Variants in NNT observed in about 807,000 individuals in gnomAD.
NNT encodes nicotinamide nucleotide transhydrogenase, also known as NAD(P) transhydrogenase, mitochondrial.
A neutral mutation model predicts 104.8 loss-of-function variants in NNT; 50 were observed. That is an observed-to-expected ratio of 0.48 (90% CI 0.38 to 0.60). The LOEUF (loss-of-function observed/expected upper bound fraction) is 0.60. NNT is among the 20% of genes least tolerant of loss of function. The pLI, the probability that NNT is intolerant of heterozygous loss-of-function variation, is 0.00. For missense variants in NNT, 1,131 were observed against 1,330.7 expected, an observed-to-expected ratio of 0.85 and a Z score of 2.33; for synonymous variants, 461 against 490.4, an observed-to-expected ratio of 0.94 and a Z score of 0.79.
chr5:43,669,070 G>A (rs891400068), intron 17 of NNT, among the ~76,000 whole-genome samples: 1 of 152,092 alleles, frequency 6.6e-6, no homozygotes, highest in African/African-American at 2.4e-5. Context: ...GTCATGATTT[G>A]GCTCTCTGTT....
chr5:43,659,285 C>A lies in NNT; in HGVS notation c.2569C>A (p.Leu857Met). ...AGAGGGCTTCCTGCTCAACAACAATCTGCTGACCATCGTGGGTGCACTCAT... is the reference window on the plus strand; with the variant it reads ...AGAGGGCTTCCTGCTCAACAACAATATGCTGACCATCGTGGGTGCACTCAT... ...CAEGFLLNNN[L>M]LTIVGALIGS... The change falls in exon 17 of 22, where the codon CTG (leucine) becomes ATG (methionine). Residue 857 changes from leucine to methionine, a missense_variant. Transcript: ENST00000344920. 6.2e-7 allele frequency: 1 copy of A among 1,614,064 alleles called. No homozygotes were observed. Among genetic ancestry groups the A allele is most frequent in the Non-Finnish European group, 8.5e-7 (1 of 1,180,016 alleles).
At chr5:43,681,217 G>A (rs1162188516) in intron 19 of NNT, among the ~76,000 whole-genome samples, 1 of 139,410 alleles carries the variant, frequency 7.2e-6, no homozygotes, top group Admixed American at 7.6e-5. Context: ...CCAAGATCGT[G>A]CCATTGCACT....
rs879671987 is a variant in NNT at position 43,690,231 on chromosome 5, A to AT, written c.2877-9875dup. On this transcript the variant is annotated intron_variant, in intron 19 of 21. Coordinates refer to ENST00000344920, the MANE Select transcript of NNT (RefSeq NM_182977.3). ...GGAATTAAGCCTTCTCGATATCTTGATTTTTTTTTTTTTAGTCCAGGGAAA... is the reference window on the plus strand; with the variant it reads ...GGAATTAAGCCTTCTCGATATCTTGATTTTTTTTTTTTTTAGTCCAGGGAAA... Among the ~76,000 whole-genome samples the AT allele has an allele frequency of 7.7e-3, 1,119 of 146,200 alleles. 6 individuals carry two copies. The highest frequency in any genetic ancestry group is 0.02 in the African/African-American group (818 of 40,096).
intron 16 of NNT, 21 bp from the exon 17 acceptor site, chr5:43,659,150 C>A: frequency 6.6e-7 from 1 of 1,524,914 alleles, no homozygotes; most frequent in Admixed American, 2.1e-5. Flanking sequence ...ATTTTGAGTT[C>A]TGATTTGATT....
chr5:43,621,299 G>C (rs1750077710), intron 5 of NNT, among the ~76,000 whole-genome samples: 1 of 152,206 alleles, frequency 6.6e-6, no homozygotes, highest in African/African-American at 2.4e-5. Context: ...GTGTTAGCTA[G>C]TGTATTTTAT....
intron 7 of NNT, among the ~76,000 whole-genome samples, chr5:43,643,859 T>A (rs1751363104): frequency 1.3e-5 from 2 of 152,234 alleles, no homozygotes; most frequent in Non-Finnish European, 2.9e-5. Flanking sequence ...AGGCATTTTT[T>A]AAAAAACAGT....
chr5:43,651,689 CA>C, intron 12 of NNT, 49 bp from the exon 13 acceptor site: 1 of 1,589,672 alleles, frequency 6.3e-7, no homozygotes, highest in Non-Finnish European at 8.6e-7. Context: ...TCATGTTGCT[CA>C]GTGAGCTCAA....
chr5:43,606,312 C>T (rs187680541), intron 1 of NNT, among the ~76,000 whole-genome samples: 115 of 152,320 alleles, frequency 7.5e-4, no homozygotes, highest in African/African-American at 2.3e-3. Context: ...AAAAAAATCT[C>T]ACTCAAGACA....
rs558560988 is a variant in NNT, at chr5:43,673,252, C to A, written c.2635-2259C>A. On this transcript the variant is annotated intron_variant, in intron 17 of 21. Transcript: ENST00000344920. ...CTTCCCAGGTGAGGCAATGCCTCGC[C>A]CTGCTTTGGCTCACGCTTGGTGGAC... Among the ~76,000 whole-genome samples the A allele has an allele frequency of 2.0e-5, 3 of 152,314 alleles. No individual in the cohort carries two copies. In the East Asian group the frequency reaches 5.8e-4, roughly 29 times the overall value.
intron 19 of NNT, among the ~76,000 whole-genome samples, chr5:43,696,050 A>C (rs1478777931): frequency 6.6e-6 from 1 of 152,054 alleles, no homozygotes. Flanking sequence ...TTCAAAACCA[A>C]TCATGCCTTC....
chr5:43,651,548 A>C (rs1198036799), intron 12 of NNT, among the ~76,000 whole-genome samples, 191 bp from the exon 13 acceptor site: 1 of 152,038 alleles, frequency 6.6e-6, no homozygotes, highest in Non-Finnish European at 1.5e-5. Context: ...ACTGCACCCT[A>C]GCCTGGTCAA....
chr5:43,675,961 G>A (rs1397098992), intron 18 of NNT, among the ~76,000 whole-genome samples: 3 of 151,872 alleles, frequency 2.0e-5, no homozygotes, highest in African/African-American at 4.8e-5. Flanking sequence ...TCTTCTCATT[G>A]GTAATTTTTG....
chr5:43,701,180 G>T (rs887656180), intron 20 of NNT, among the ~76,000 whole-genome samples: 2 of 152,100 alleles, frequency 1.3e-5, no homozygotes, highest in South Asian at 2.1e-4. Flanking sequence ...GATGCTGAGG[G>T]TTGGAGGTAG....
chr5:43,613,052 C>T lies in NNT; in HGVS notation c.296C>T (p.Ser99Phe). The T allele has an allele frequency of 6.2e-7, 1 of 1,614,098 alleles. No individual in the cohort carries two copies. The highest frequency in any genetic ancestry group is 2.2e-5 in the East Asian group (1 of 44,862). ...VVVESGAGEA[S>F]KFSDDHYRVA... Reference sequence around the variant, plus strand: ...GTGGAATCGGGTGCGGGCGAAGCTTCCAAGTTCTCAGATGATCACTATAGA... The same window carrying T: ...GTGGAATCGGGTGCGGGCGAAGCTTTCAAGTTCTCAGATGATCACTATAGA... Residue 99 changes from serine (S) to phenylalanine (F), a missense_variant, in exon 3 of 22, where the codon TCC becomes TTC. By Grantham distance (155) the Ser-to-Phe change is radical. Coordinates refer to ENST00000344920, the MANE Select transcript of NNT (RefSeq NM_182977.3).
At position 43,669,324 on chromosome 5, in the gene NNT, A is replaced by C. The variant is rs1373273878; in HGVS notation, c.2635-6187A>C. Among the ~76,000 whole-genome samples the C allele has an allele frequency of 4.6e-5, 7 of 152,240 alleles. No homozygotes were observed. In the East Asian group the frequency reaches 5.8e-4, roughly 13 times the overall value. On this transcript the variant is annotated intron_variant, in intron 17 of 21. Transcript: ENST00000344920. Reference sequence around the variant, plus strand: ...CAGAACTTCCAACACTATGTTGAATAGGAGTGGTGAGAGAGGGCATCCCTG... The same window carrying C: ...CAGAACTTCCAACACTATGTTGAATCGGAGTGGTGAGAGAGGGCATCCCTG...
chr5:43,679,282 TGTAATGTATTC>T (rs1741581170), intron 19 of NNT, among the ~76,000 whole-genome samples: 1 of 152,214 alleles, frequency 6.6e-6, no homozygotes, highest in Admixed American at 6.5e-5. Flanking sequence ...TGTGAAAAAG[TGTAATGTATTC>T]GTAATGCCCT....
rs139893206 is a variant in NNT, at chr5:43,675,628, A to G, written c.2752A>G (p.Ile918Val). The change falls in exon 18 of 22, where the codon ATT becomes GTT. Residue 918 changes from isoleucine (I) to valine (V), a missense_variant. Ile to Val is a conservative substitution (Grantham distance 29). Coordinates refer to ENST00000344920, the MANE Select transcript of NNT (RefSeq NM_182977.3). ...THTEINLDNAIDMIREANSII... is the reference protein window; with the variant it reads ...THTEINLDNAVDMIREANSII... ...TACGGAAATCAACCTTGACAATGCA[A>G]TTGACATGATTCGAGAAGCTAATAG... The G allele has an allele frequency of 1.7e-3, 2,769 of 1,610,882 alleles. 3 individuals carry two copies. The highest frequency in any genetic ancestry group is 2.4e-3 in the Admixed American group (141 of 59,292).
chr5:43,645,241 T>C lies in NNT; in HGVS notation c.1291-116T>C, dbSNP rs559853202. The C allele has an allele frequency of 2.0e-5, 10 of 496,210 alleles. 1 individual carries two copies. In the South Asian group the frequency reaches 6.4e-4, roughly 32 times the overall value. 30.7% of individuals were successfully genotyped at this position (496,210 alleles called of 1,614,324 possible). On this transcript the variant is annotated intron_variant, in intron 9 of 21. Transcript: ENST00000344920. ...ATGTTACAAATTATATGAATTTATA[T>C]ATTTACATAAAATTATATTTAAAAG...
Position 43,702,712 on chromosome 5 carries a change from C to A in NNT, c.3087C>A (p.Val1029=), listed in dbSNP as rs778766787. 6.8e-6 allele frequency: 11 copies of A among 1,611,404 alleles called. No homozygotes were observed. In the Admixed American group the frequency reaches 1.3e-4, roughly 20 times the overall value. ...DPNSIIAGMP[V]LEVWKSKQVI... ...ACTCTATTATTGCAGGCATGCCAGT[C>A]CTTGAGGTCTGGAAATCAAAGCAGG... Residue 1029 remains valine, a synonymous_variant, in exon 21 of 22, where the codon GTC becomes GTA. Transcript: ENST00000344920.
Sources: gnomAD v4.1 joint callset for allele counts (sites outside exome capture counted in the v4.1 genomes callset) on GRCh38, gnomAD v4.1.1 for gene constraint, MANE v1.5 for transcripts, NCBI Gene and HGNC (gene_info 2026-07-23, HGNC 2026-07-21) for gene names.